The following CASZ1 variants were observed in gnomAD, a reference collection of about 807,000 sequenced individuals.
CASZ1 encodes castor zinc finger 1, also known as zinc finger protein castor homolog 1.
In CASZ1, 28 loss-of-function variants were observed where a neutral mutation model predicts 135.2. The ratio of observed to expected loss-of-function variants is 0.21; its 90% confidence interval spans 0.15 to 0.28. The LOEUF is 0.28. CASZ1 is among the 10% of genes least tolerant of loss of function. CASZ1 has a pLI of 1.00. For missense variants in CASZ1, 2,161 were observed against 2,453.3 expected, an observed-to-expected ratio of 0.88 and a Z score of 2.52; for synonymous variants, 1,068 against 1,073.4, an observed-to-expected ratio of 0.99 and a Z score of 0.10.
At chr1:10,656,770 T>C (rs1313469650) in intron 7 of CASZ1, 34 bp from the exon 8 acceptor site, 3 of 1,430,340 alleles carry the variant, frequency 2.1e-6, no homozygotes, top group East Asian at 2.4e-5. Flanking sequence ...AGGGCCCTGC[T>C]GTGGGTGACA....
intron 5 of CASZ1, chr1:10,660,835 G>A (rs1642999715): frequency 4.7e-6 from 2 of 429,564 alleles, no homozygotes; most frequent in Non-Finnish European, 8.3e-6. Flanking sequence ...TTTCATAAAT[G>A]TCTCCGCTCT....
Position 10,765,270 on chromosome 1 carries a change from G to A in CASZ1, c.-233-4413C>T, listed in dbSNP as rs781671109. 6.6e-5 allele frequency among the ~76,000 whole-genome samples: 10 copies of A among 152,132 alleles called. No individual in the cohort carries two copies. The South Asian group carries it at 1.0e-3, about 16-fold the overall frequency. On this transcript the variant is annotated intron_variant, in intron 1 of 20. Coordinates refer to ENST00000377022, the MANE Select transcript of CASZ1 (RefSeq NM_001079843.3). ...ATTTCTATCCGAGAGGGTACGTGGT[G>A]GAAGATAAGCCCGGGGTGGGGAGAG...
chr1:10,742,536 C>T (rs185776580), intron 2 of CASZ1, among the ~76,000 whole-genome samples: 64 of 152,128 alleles, frequency 4.2e-4, no homozygotes, highest in African/African-American at 1.2e-3. Flanking sequence ...CTCAACTTGT[C>T]GCAGAAAACA....
rs759241716 is a variant in CASZ1 at position 10,658,502 on chromosome 1, G to T, written c.1409+6C>A. The T allele has an allele frequency of 3.1e-6, 5 of 1,612,182 alleles. No homozygotes were observed. Among genetic ancestry groups the T allele is most frequent in the Non-Finnish European group, 4.2e-6 (5 of 1,178,424 alleles). ...CTCCACGGCAGGCTCCTCCCCAGGG[G>T]CCTACCTGGCAATATATTTCTGGTA... On this transcript the variant is annotated splice_donor_region_variant and intron_variant, in intron 7 of 20. Coordinates refer to ENST00000377022, the MANE Select transcript of CASZ1 (RefSeq NM_001079843.3).
rs79839765 is a variant in CASZ1, at chr1:10,654,911, G to A, written c.1666-320C>T. Among the ~76,000 whole-genome samples, 548 of 152,326 alleles carry A rather than the reference G, an allele frequency of 3.6e-3. 4 individuals carry two copies. Among genetic ancestry groups the A allele is most frequent in the African/African-American group, 0.012 (508 of 41,568 alleles). ...GCATCCTGCAGGAGTTGGATTTTGA[G>A]TTCCAATCCATGGCCCTACCTCTAA... On this transcript the variant is annotated intron_variant, in intron 9 of 20. Coordinates refer to ENST00000377022, the MANE Select transcript of CASZ1 (RefSeq NM_001079843.3).
At chr1:10,668,152 G>A (rs1005858647) in intron 4 of CASZ1, among the ~76,000 whole-genome samples, 1 of 152,152 alleles carries the variant, frequency 6.6e-6, no homozygotes, top group Non-Finnish European at 1.5e-5. Context: ...GAGCGCGTGT[G>A]AGGCTGGGCG....
intron 2 of CASZ1, among the ~76,000 whole-genome samples, chr1:10,708,132 G>A (rs1639213652): frequency 6.6e-6 from 1 of 152,238 alleles, no homozygotes; most frequent in African/African-American, 2.4e-5. Context: ...GTTCTGTCCA[G>A]AGGTAGATGG....
In CASZ1 at chr1:10,643,169, G is replaced by C. The variant is rs760087186; in HGVS notation, c.4011C>G (p.Pro1337=). The change falls in exon 19 of 21, where the codon CCC becomes CCG. Residue 1337 remains proline (P), a synonymous_variant. Transcript: ENST00000377022. The stretch of plus-strand genomic sequence containing the variant: ...TGGGGGGGGCTCTCACCTGGGAGGG[G>C]GGCACGCGGTCGAAGTTCTTCCCCA... ...RMLGKNFDRV[P]PSQGPPGLMD... is the part of the protein sequence containing the mutation. The C allele has an allele frequency of 2.5e-6, 4 of 1,611,400 alleles. No homozygotes were observed. The highest frequency in any genetic ancestry group is 3.4e-6 in the Non-Finnish European group (4 of 1,179,778).
In CASZ1 at chr1:10,739,681, C is replaced by T. The variant is rs935475824; in HGVS notation, c.-77+21020G>A. ...AAGCTATAGTTTGGCCCAAATGTCC[C>T]GGCCAGGGTGGCTCTGTGTCAAAGG... On this transcript the variant is annotated intron_variant, in intron 2 of 20. Coordinates refer to ENST00000377022, the MANE Select transcript of CASZ1 (RefSeq NM_001079843.3). This position sits in a 1 kb window ranked among gnomAD's most constrained non-coding sequence, Gnocchi z 4.8. 2.3e-4 allele frequency among the ~76,000 whole-genome samples: 35 copies of T among 152,244 alleles called. No individual in the cohort carries two copies. Among genetic ancestry groups the T allele is most frequent in the African/African-American group, 5.5e-4 (23 of 41,546 alleles).
In CASZ1 at chr1:10,755,175, G is replaced by A. The variant is rs910159077; in HGVS notation, c.-77+5526C>T. On this transcript the variant is annotated intron_variant, in intron 2 of 20. Transcript: ENST00000377022. The surrounding 1 kb of genome is among the most constrained non-coding windows in gnomAD (Gnocchi z 4.3). The stretch of plus-strand genomic sequence containing the variant: ...GGTCCCGCGGAAGGTGGGCAGCAAG[G>A]GGATCACTGGCCGCCTCATGCCTCA... Among the ~76,000 whole-genome samples, 3 of 152,306 alleles carry A rather than the reference G, an allele frequency of 2.0e-5. No homozygotes were observed. The highest frequency in any genetic ancestry group is 3.4e-3 in the Middle Eastern group (1 of 292).
At chr1:10,745,061 T>C (rs1349717860) in intron 2 of CASZ1, among the ~76,000 whole-genome samples, 1 of 152,142 alleles carries the variant, frequency 6.6e-6, no homozygotes, top group Non-Finnish European at 1.5e-5. Context: ...GACCTGGATA[T>C]TTTTGGCAGG....
chr1:10,730,996 C>G (rs138982406), intron 2 of CASZ1, among the ~76,000 whole-genome samples: 3,655 of 152,114 alleles, frequency 0.024, 153 homozygotes, highest in African/African-American at 0.083. Context: ...ATCCCAGCTA[C>G]TTGGGAGGCT....
rs1404756812 is a variant in CASZ1 at position 10,795,789 on chromosome 1, G to A, written c.-234+775C>T. On this transcript the variant is annotated intron_variant, in intron 1 of 20. Coordinates refer to ENST00000377022, the MANE Select transcript of CASZ1 (RefSeq NM_001079843.3). ...ACTTGAGATAAACTTCCCAGGCACA[G>A]ATGAAAAAGGGGGCGCCGCTCCCCC... Among the ~76,000 whole-genome samples, 3 of 152,196 alleles carry A rather than the reference G, an allele frequency of 2.0e-5. No individual in the cohort carries two copies. The East Asian group carries it at 5.8e-4, about 29-fold the overall frequency.
chr1:10,723,438 A>G (rs751899139), intron 2 of CASZ1, among the ~76,000 whole-genome samples: 10 of 152,172 alleles, frequency 6.6e-5, no homozygotes, highest in Non-Finnish European at 1.2e-4. Flanking sequence ...AAAACCACCC[A>G]TAAAACAGAG....
chr1:10,655,288 T>C (rs1245199135), intron 9 of CASZ1, among the ~76,000 whole-genome samples: 2 of 152,238 alleles, frequency 1.3e-5, no homozygotes, highest in Non-Finnish European at 2.9e-5. Flanking sequence ...GCCCAGACTC[T>C]GCGTGGCATT....
chr1:10,791,501 C>T (rs992984770), intron 1 of CASZ1, among the ~76,000 whole-genome samples: 2 of 152,170 alleles, frequency 1.3e-5, no homozygotes, highest in Non-Finnish European at 2.9e-5. Flanking sequence ...GGTTCCTCCC[C>T]CCGTCATGCT....
chr1:10,649,030 C>G (rs763505963), intron 15 of CASZ1, 40 bp downstream of exon 15: 21 of 1,602,778 alleles, frequency 1.3e-5, no homozygotes, highest in Non-Finnish European at 1.7e-5. Context: ...GGCTGGGATC[C>G]GTGGGGCTCT....
In CASZ1 at chr1:10,747,311, C is replaced by T. The variant is rs1640062599; in HGVS notation, c.-77+13390G>A. On this transcript the variant is annotated intron_variant, in intron 2 of 20. Transcript: ENST00000377022. The surrounding 1 kb of genome is among the most constrained non-coding windows in gnomAD (Gnocchi z 4.3). ...CAGGGTTCTGAATACGCTCATCTTT[C>T]GTAGATGCAACCCAGCAGACAAACC... is the stretch of plus-strand genomic sequence containing the variant. Among the ~76,000 whole-genome samples, 1 of 152,158 alleles carries T rather than the reference C, an allele frequency of 6.6e-6. No homozygotes were observed. The highest frequency in any genetic ancestry group is 1.5e-5 in the Non-Finnish European group (1 of 68,020).
chr1:10,762,453 G>A lies in CASZ1; in HGVS notation c.-233-1596C>T, dbSNP rs189263515. Among the ~76,000 whole-genome samples, 22 of 152,180 alleles carry A rather than the reference G, an allele frequency of 1.4e-4. 1 individual carries two copies. Among genetic ancestry groups the A allele is most frequent in the Admixed American group, 4.6e-4 (7 of 15,288 alleles). ...AAAAAGAGGAAAAAACACTTTAATGGAAACTTCAGGGCCACTGGGAGACTC... is the reference window on the plus strand; with the variant it reads ...AAAAAGAGGAAAAAACACTTTAATGAAAACTTCAGGGCCACTGGGAGACTC... On this transcript the variant is annotated intron_variant, in intron 1 of 20. Coordinates refer to ENST00000377022, the MANE Select transcript of CASZ1 (RefSeq NM_001079843.3). The surrounding 1 kb of genome is among the most constrained non-coding windows in gnomAD (Gnocchi z 4.1).
Sources: gnomAD v4.1 joint callset for allele counts (sites outside exome capture counted in the v4.1 genomes callset) on GRCh38, gnomAD v4.1.1 for gene constraint, Gnocchi (gnomAD v3.1) non-coding constraint, MANE v1.5 for transcripts, NCBI Gene and HGNC (gene_info 2026-07-23, HGNC 2026-07-21) for gene names.